ERG: variants seen among roughly 807,000 people sequenced by gnomAD.
The protein encoded by ERG is transcriptional regulator ERG.
ERG carries 9 observed loss-of-function variants against 55.3 expected under a neutral mutation model. The ratio of observed to expected loss-of-function variants is 0.16; its 90% CI spans 0.10 to 0.28. ERG has a LOEUF of 0.28. Ranked by LOEUF, ERG falls within the 10% of genes least tolerant of loss-of-function variation. The pLI, the probability that ERG is intolerant of heterozygous loss-of-function variation, is 1.00. For missense variants in ERG, 434 were observed against 631.6 expected, an observed-to-expected ratio of 0.69 and a Z score of 3.35; for synonymous variants, 223 against 237.3, an observed-to-expected ratio of 0.94 and a Z score of 0.55.
chr21:38,390,711 C>CTGGAACAGTTTATTG (rs1912990133), intron 9 of ERG, among the ~76,000 whole-genome samples: 1 of 152,154 alleles, frequency 6.6e-6, no homozygotes, highest in Non-Finnish European at 1.5e-5. Flanking sequence ...TCCAGAACTG[C>CTGGAACAGTTTATTG]GAGACAATAA....
At chr21:38,437,577 C>T (rs892970932) in intron 2 of ERG, among the ~76,000 whole-genome samples, 1 of 152,196 alleles carries the variant, frequency 6.6e-6, no homozygotes, top group Non-Finnish European at 1.5e-5. Context: ...AAGTTCCTGT[C>T]CCCAGTGTCT....
At chr21:38,379,070 G>T (rs1450464605), downstream of ERG, among the ~76,000 whole-genome samples, 1 of 152,192 alleles carries the variant, frequency 6.6e-6, no homozygotes, top group East Asian at 1.9e-4. Flanking sequence ...CACATGTGCT[G>T]CTGCTCCATC....
chr21:38,551,287 A>C (rs1037337082), intron 2 of ERG, among the ~76,000 whole-genome samples: 11 of 151,816 alleles, frequency 7.2e-5, no homozygotes, highest in African/African-American at 2.7e-4. Context: ...TTATTCTTTC[A>C]AAAAACCAAC....
At chr21:38,594,622 C>T (rs2836547) in intron 1 of ERG, among the ~76,000 whole-genome samples, 5,295 of 152,196 alleles carry the variant, frequency 0.035, 299 homozygotes, top group African/African-American at 0.12. Flanking sequence ...ATAGCTGCTC[C>T]AGTAAGAAGA....
intron 2 of ERG, among the ~76,000 whole-genome samples, chr21:38,563,166 G>C (rs2059903100): frequency 6.6e-6 from 1 of 152,216 alleles, no homozygotes; most frequent in Non-Finnish European, 1.5e-5. Context: ...GAGGGGCAGT[G>C]AAACTAATCT....
chr21:38,647,163 G>A (rs960301123), intron 1 of ERG, among the ~76,000 whole-genome samples: 1 of 152,288 alleles, frequency 6.6e-6, no homozygotes, highest in African/African-American at 2.4e-5. Context: ...TCCATCTTTT[G>A]TTTTCTCATT....
chr21:38,486,109 ATT>A (rs1198806710), intron 1 of ERG, among the ~76,000 whole-genome samples: 9 of 150,878 alleles, frequency 6.0e-5, no homozygotes, highest in African/African-American at 2.2e-4. Context: ...AATTTTTTAT[ATT>A]TTTAGTAGAG....
intron 1 of ERG, among the ~76,000 whole-genome samples, chr21:38,582,700 A>G (rs2060037605): frequency 5.9e-5 from 9 of 152,252 alleles, no homozygotes; most frequent in Admixed American, 5.9e-4. Context: ...TATAATTAAG[A>G]AAGTAAAAAT....
intron 1 of ERG, among the ~76,000 whole-genome samples, chr21:38,470,143 T>A (rs2146619170): frequency 6.6e-6 from 1 of 152,322 alleles, no homozygotes; most frequent in African/African-American, 2.4e-5. Context: ...TTCAGTTTCC[T>A]CATCTGTGAA....
chr21:38,616,224 C>T (rs181319224), intron 1 of ERG, among the ~76,000 whole-genome samples: 1 of 152,228 alleles, frequency 6.6e-6, no homozygotes, highest in East Asian at 1.9e-4. Context: ...CCTCCCCAGC[C>T]ATGCATAGCT....
chr21:38,380,701 T>G lies in ERG; in HGVS notation c.*2702A>C. On this transcript the variant is annotated 3_prime_UTR_variant, in exon 10 of 10. Coordinates refer to ENST00000288319, the MANE Select transcript of ERG (RefSeq NM_182918.4). ...TATTTGAAGGAACTCAGTATTATCA[T>G]GTTATCCAAAATTATCCCAGTTGCT... 9.4e-7 allele frequency: 1 copy of G among 1,065,050 alleles called. No homozygotes were observed. The highest frequency in any genetic ancestry group is 1.1e-6 in the Non-Finnish European group (1 of 879,170). 66.0% of individuals were successfully genotyped at this position (1,065,050 alleles called of 1,614,324 possible).
At chr21:38,429,393 A>ATG (rs1990014482) in intron 2 of ERG, among the ~76,000 whole-genome samples, 1 of 31,324 alleles carries the variant, frequency 3.2e-5, no homozygotes, top group Non-Finnish European at 1.3e-4. Flanking sequence ...ATATGTACAC[A>ATG]TATACACATG....
At chr21:38,440,787 C>CA (rs10601871) in intron 2 of ERG, among the ~76,000 whole-genome samples, 92 of 99,866 alleles carry the variant, frequency 9.2e-4, no homozygotes, top group Middle Eastern at 5.4e-3. Flanking sequence ...AAAACTGTCT[C>CA]AAAAAAAAAA....
chr21:38,585,349 G>T (rs954219037), upstream of ERG, among the ~76,000 whole-genome samples: 6 of 152,006 alleles, frequency 3.9e-5, no homozygotes, highest in African/African-American at 1.5e-4. Flanking sequence ...AACATCCCGA[G>T]AACTGTAATT....
intron 1 of ERG, among the ~76,000 whole-genome samples, chr21:38,597,820 G>T (rs1406593904): frequency 6.6e-6 from 1 of 152,218 alleles, no homozygotes; most frequent in East Asian, 1.9e-4. Context: ...TACCAAAACT[G>T]CCAATAAAAC....
At chr21:38,464,074 CAT>C (rs2059067326) in intron 1 of ERG, among the ~76,000 whole-genome samples, 1 of 151,922 alleles carries the variant, frequency 6.6e-6, no homozygotes, top group African/African-American at 2.4e-5. Context: ...GGGATGGGTT[CAT>C]GTTTTTTTTT....
intron 6 of ERG, among the ~76,000 whole-genome samples, chr21:38,393,596 A>G (rs1988074757): frequency 6.6e-6 from 1 of 152,232 alleles, no homozygotes; most frequent in Non-Finnish European, 1.5e-5. Context: ...CTCTTTAAAC[A>G]AATATTTTAA....
chr21:38,539,732 T>C (rs1358855928), intron 2 of ERG, among the ~76,000 whole-genome samples: 1 of 152,008 alleles, frequency 6.6e-6, no homozygotes, highest in Non-Finnish European at 1.5e-5. Flanking sequence ...CTCCTATATG[T>C]GCATAGACGA....
chr21:38,550,572 T>C (rs1053923689), intron 2 of ERG, among the ~76,000 whole-genome samples: 6 of 152,252 alleles, frequency 3.9e-5, no homozygotes, highest in African/African-American at 1.4e-4. Context: ...CATCTATGAA[T>C]CAGGAAGAGA....
Sources: gnomAD v4.1 joint callset for allele counts (sites outside exome capture counted in the v4.1 genomes callset) on GRCh38, gnomAD v4.1.1 for gene constraint, MANE v1.5 for transcripts, NCBI Gene and HGNC (gene_info 2026-07-23, HGNC 2026-07-21) for gene names.